The following NOS1AP variants were observed in gnomAD, a reference collection of about 807,000 sequenced individuals.
The protein encoded by NOS1AP is nitric oxide synthase 1 adaptor protein.
In NOS1AP, 21 loss-of-function variants were observed where a neutral mutation model predicts 56.2. The ratio of observed to expected loss-of-function variants is 0.37; its 90% confidence interval spans 0.26 to 0.54. The LOEUF (loss-of-function observed/expected upper bound fraction) is 0.54, where lower values mean the gene tolerates loss of function less well. NOS1AP is among the 20% of genes least tolerant of loss of function. The pLI, the probability that NOS1AP is intolerant of heterozygous loss-of-function variation, is 0.84. For synonymous variants in NOS1AP, 270 were observed against 274.6 expected (o/e 0.98, Z 0.17); for missense variants, 522 against 657.8 (o/e 0.79, Z 2.26).
At chr1:162,261,849 G>T (rs1654253150) in intron 2 of NOS1AP, among the ~76,000 whole-genome samples, 2 of 152,168 alleles carry the variant, frequency 1.3e-5, no homozygotes, top group South Asian at 2.1e-4. Flanking sequence ...GAAAAGATCG[G>T]TAAACAGATG....
rs1024748332 is a variant in NOS1AP, at chr1:162,258,802, C to G, written c.178-28542C>G. ...CTAACACTGGGATAAGTACATGGGT[C>G]TTTCTAGGATTTATCATCATTAAAT... On this transcript the variant is annotated intron_variant, in intron 2 of 9. Transcript: ENST00000361897. Among the ~76,000 whole-genome samples, 3 of 152,150 alleles carry G rather than the reference C, an allele frequency of 2.0e-5. No individual in the cohort carries two copies. In the South Asian group the frequency reaches 6.2e-4, roughly 31 times the overall value.
chr1:162,088,738 G>A (rs1197493958), intron 1 of NOS1AP, among the ~76,000 whole-genome samples: 1 of 152,116 alleles, frequency 6.6e-6, no homozygotes, highest in East Asian at 1.9e-4. Context: ...TTTCCTCTTT[G>A]AGGCCAGATT....
intron 2 of NOS1AP, among the ~76,000 whole-genome samples, chr1:162,281,540 C>T (rs1029060381): frequency 5.3e-5 from 8 of 152,060 alleles, no homozygotes; most frequent in African/African-American, 9.7e-5. Context: ...ATATGGGAAG[C>T]GGGAGTTGGC....
intron 1 of NOS1AP, among the ~76,000 whole-genome samples, chr1:162,098,446 A>G (rs1437789108): frequency 6.6e-6 from 1 of 150,636 alleles, no homozygotes; most frequent in East Asian, 1.9e-4. Flanking sequence ...CTTTTGTTGG[A>G]TTGATTTGTA....
chr1:162,332,226 A>G (rs1656792109), intron 4 of NOS1AP, among the ~76,000 whole-genome samples: 1 of 152,150 alleles, frequency 6.6e-6, no homozygotes, highest in African/African-American at 2.4e-5. Context: ...TGTCTCAGTG[A>G]CTGTCTCCCT....
rs1345194128 is a variant in NOS1AP at position 162,369,936 on chromosome 1, TC to T, written c.*2472del. On this transcript the variant is annotated 3_prime_UTR_variant, in exon 10 of 10. Coordinates refer to ENST00000361897, the MANE Select transcript of NOS1AP (RefSeq NM_014697.3). ...GAAAGGGAACATTGCAGACCTGATT[TC>T]CCGACGATGTCACCCTGTCCTCCCT... 4 of 152,564 alleles carry T rather than the reference TC, an allele frequency of 2.6e-5. No individual in the cohort carries two copies. Among genetic ancestry groups the T allele is most frequent in the African/African-American group, 9.6e-5 (4 of 41,458 alleles). 9.5% of individuals were successfully genotyped at this position (152,564 alleles called of 1,614,324 possible). A position where few individuals can be genotyped will look rare whatever the true frequency, so the allele number is the denominator to read the frequency against.
intron 1 of NOS1AP, among the ~76,000 whole-genome samples, chr1:162,138,329 A>G (rs4657154): frequency 0.69 from 105,522 of 151,960 alleles, 37,076 homozygotes; most frequent in Non-Finnish European, 0.73. Context: ...CCTTTGGCTT[A>G]GTTTTGTAAA....
At chr1:162,263,570 A>C (rs1420093831) in intron 2 of NOS1AP, among the ~76,000 whole-genome samples, 1 of 152,302 alleles carries the variant, frequency 6.6e-6, no homozygotes, top group East Asian at 1.9e-4. Flanking sequence ...CTATGGTTTC[A>C]CAGAGAGGTG....
rs1557887888 is a variant in NOS1AP, at chr1:162,349,260, C to CCCACCTTATGGG, written c.595+5284_595+5285insCCACCTTATGGG. 1.3e-4 allele frequency among the ~76,000 whole-genome samples: 19 copies of CCCACCTTATGGG among 151,894 alleles called. No homozygotes were observed. The East Asian group carries it at 2.9e-3, about 23-fold the overall frequency. On this transcript the variant is annotated intron_variant, in intron 6 of 9. Transcript: ENST00000361897. Reference sequence around the variant, plus strand: ...TCTTCCCACCTTATGGGGGAGTAATCGGCTTGGCTCAGAGTCTACTGATTT... The same window carrying CCCACCTTATGGG: ...TCTTCCCACCTTATGGGGGAGTAATCCCACCTTATGGGGGCTTGGCTCAGAGTCTACTGATTT...
chr1:162,077,350 G>C (rs1388268903), intron 1 of NOS1AP, among the ~76,000 whole-genome samples: 1 of 145,644 alleles, frequency 6.9e-6, no homozygotes, highest in Non-Finnish European at 1.5e-5. Context: ...CAGACTCAGA[G>C]AAAAAAAAAA....
At chr1:162,267,587 C>A (rs1654463076) in intron 2 of NOS1AP, among the ~76,000 whole-genome samples, 1 of 135,116 alleles carries the variant, frequency 7.4e-6, no homozygotes. Context: ...AACATAGACC[C>A]TGTCTCTACA....
At chr1:162,278,123 G>T (rs1405331024) in intron 2 of NOS1AP, among the ~76,000 whole-genome samples, 1 of 152,060 alleles carries the variant, frequency 6.6e-6, no homozygotes, top group Non-Finnish European at 1.5e-5. Context: ...TTGCTTCTGG[G>T]ATTGACCTGG....
Position 162,188,387 on chromosome 1 carries a change from A to G in NOS1AP, c.177+33911A>G, listed in dbSNP as rs1299533664. Among the ~76,000 whole-genome samples, 1 of 152,300 alleles carries G rather than the reference A, an allele frequency of 6.6e-6. No homozygotes were observed. Among genetic ancestry groups the G allele is most frequent in the African/African-American group, 2.4e-5 (1 of 41,562 alleles). Reference sequence around the variant, plus strand: ...TTGGGCTCACACACTGTCTCTTTATAGGCCATTTCCATAATGCTTGATTAA... The same window carrying G: ...TTGGGCTCACACACTGTCTCTTTATGGGCCATTTCCATAATGCTTGATTAA... On this transcript the variant is annotated intron_variant, in intron 2 of 9. Transcript: ENST00000361897. The surrounding 1 kb of genome is among the most constrained non-coding windows in gnomAD (Gnocchi z 4.0).
At chr1:162,217,087 G>A (rs1194475628) in intron 2 of NOS1AP, among the ~76,000 whole-genome samples, 2 of 151,794 alleles carry the variant, frequency 1.3e-5, no homozygotes, top group African/African-American at 4.8e-5. Flanking sequence ...TGTATATTTG[G>A]TGCCAGTTGT....
chr1:162,112,069 G>A (rs1261861369), intron 1 of NOS1AP, among the ~76,000 whole-genome samples: 2 of 152,204 alleles, frequency 1.3e-5, no homozygotes, highest in Non-Finnish European at 2.9e-5. Context: ...TGGTCACTGA[G>A]TTGCTCTGGG....
chr1:162,340,913 G>C (rs1391361713), intron 5 of NOS1AP, among the ~76,000 whole-genome samples: 12 of 152,178 alleles, frequency 7.9e-5, no homozygotes. Context: ...ATGTGAGTAT[G>C]TTGCACATGT....
chr1:162,206,235 A>G (rs1022215603), intron 2 of NOS1AP, among the ~76,000 whole-genome samples: 21 of 151,548 alleles, frequency 1.4e-4, no homozygotes, highest in African/African-American at 4.9e-4. Flanking sequence ...GGACTGGGGC[A>G]TTTCAAATCT....
chr1:162,201,792 G>A (rs748926316), intron 2 of NOS1AP, among the ~76,000 whole-genome samples: 3 of 152,244 alleles, frequency 2.0e-5, no homozygotes, highest in Non-Finnish European at 4.4e-5. Flanking sequence ...CTTTTTAATT[G>A]GGCTGTTTGT....
At chr1:162,232,871 C>G (rs1002613756) in intron 2 of NOS1AP, among the ~76,000 whole-genome samples, 3 of 152,034 alleles carry the variant, frequency 2.0e-5, no homozygotes, top group African/African-American at 7.2e-5. Context: ...TCATAATAAC[C>G]CTATGATACA....
Sources: allele counts gnomAD v4.1 joint callset (sites outside exome capture counted in the v4.1 genomes callset), GRCh38; gene constraint gnomAD v4.1.1; non-coding constraint Gnocchi (gnomAD v3.1); transcripts MANE v1.5; gene names NCBI Gene and HGNC (gene_info 2026-07-23, HGNC 2026-07-21).